OGDH: variants seen among roughly 807,000 people sequenced by gnomAD.
OGDH encodes 2-oxoglutarate dehydrogenase complex component E1.
OGDH carries 38 observed loss-of-function variants against 116.6 expected under a neutral mutation model. The ratio of observed to expected loss-of-function variants is 0.33; its 90% CI spans 0.25 to 0.43. The LOEUF is 0.43. Ranked by LOEUF, OGDH falls within the 20% of genes least tolerant of loss-of-function variation. The probability of loss-of-function intolerance (pLI) is 1.00; values close to 1 mark genes in which losing one functional copy is unlikely to be tolerated. For missense variants in OGDH, 825 were observed against 1,357.2 expected (o/e 0.61, Z 6.16); for synonymous variants, 488 against 533.3 (o/e 0.92, Z 1.17).
At chr7:44,653,589 C>T (rs1416339759) in intron 4 of OGDH, among the ~76,000 whole-genome samples, 4 of 151,692 alleles carry the variant, frequency 2.6e-5, no homozygotes, top group South Asian at 2.1e-4. Context: ...TGCAGTGGCA[C>T]GATCTCGACT....
At chr7:44,660,894 C>G (rs2115979354) in intron 4 of OGDH, among the ~76,000 whole-genome samples, 1 of 152,256 alleles carries the variant, frequency 6.6e-6, no homozygotes, top group Admixed American at 6.5e-5. Context: ...CACCACTATA[C>G]TCTGGCCTGG....
chr7:44,659,612 A>G (rs1786847762), intron 4 of OGDH, among the ~76,000 whole-genome samples: 1 of 152,156 alleles, frequency 6.6e-6, no homozygotes, highest in Admixed American at 6.5e-5. Flanking sequence ...TGGGTGAGTA[A>G]TGGTAGTTTG....
At chr7:44,607,904 C>G (rs1784415852) in intron 1 of OGDH, among the ~76,000 whole-genome samples, 1 of 152,084 alleles carries the variant, frequency 6.6e-6, no homozygotes, top group Non-Finnish European at 1.5e-5. Flanking sequence ...TTTTCACCAC[C>G]TTGGCCAGGC....
At chr7:44,637,775 C>T (rs986163331) in intron 2 of OGDH, among the ~76,000 whole-genome samples, 6 of 151,386 alleles carry the variant, frequency 4.0e-5, no homozygotes, top group Admixed American at 2.0e-4. Flanking sequence ...GCCAAGATCA[C>T]GCCACTGCAC....
chr7:44,667,501 TC>T (rs1787237120), intron 5 of OGDH, among the ~76,000 whole-genome samples: 1 of 152,202 alleles, frequency 6.6e-6, no homozygotes, highest in Non-Finnish European at 1.5e-5. Context: ...CTCCCTCTGT[TC>T]CTCTCATCCT....
At chr7:44,649,244 T>G (rs866570514) in intron 4 of OGDH, among the ~76,000 whole-genome samples, 5 of 135,836 alleles carry the variant, frequency 3.7e-5, no homozygotes, top group Admixed American at 1.5e-4. Context: ...CATTTTCTGT[T>G]GTTTTTTTTT....
intron 2 of OGDH, among the ~76,000 whole-genome samples, chr7:44,640,381 A>G (rs1432779777): frequency 6.6e-6 from 1 of 152,176 alleles, no homozygotes; most frequent in Non-Finnish European, 1.5e-5. Flanking sequence ...GTAAGTTGGA[A>G]AAGCCCACAG....
At chr7:44,647,306 T>C (rs1786227747) in intron 3 of OGDH, 3 of 618,586 alleles carry the variant, frequency 4.8e-6, no homozygotes, top group Non-Finnish European at 8.5e-6. Context: ...TCCAAGACTT[T>C]TAAAAACTAA....
chr7:44,616,784 CAT>C (rs200517846), intron 1 of OGDH, among the ~76,000 whole-genome samples: 42,613 of 126,462 alleles, frequency 0.34, 7,875 homozygotes, highest in Non-Finnish European at 0.42. Context: ...TGTGTATATG[CAT>C]ATATATATGT....
chr7:44,621,765 G>A (rs10266282), intron 1 of OGDH, among the ~76,000 whole-genome samples: 1 of 151,998 alleles, frequency 6.6e-6, no homozygotes, highest in African/African-American at 2.4e-5. Flanking sequence ...CTAGCTACTC[G>A]GGAGGCTGAG....
At chr7:44,674,246 T>C (rs1439190418) in intron 6 of OGDH, among the ~76,000 whole-genome samples, 165 bp from the exon 7 acceptor site, 1 of 152,208 alleles carries the variant, frequency 6.6e-6, no homozygotes, top group African/African-American at 2.4e-5. Context: ...GGTTTCACCG[T>C]GTTGGCCAGG....
At chr7:44,613,159 A>G (rs536605398) in intron 1 of OGDH, among the ~76,000 whole-genome samples, 1 of 148,472 alleles carries the variant, frequency 6.7e-6, no homozygotes, top group Non-Finnish European at 1.5e-5. Flanking sequence ...TACAGGCATG[A>G]GCCACTGCGC....
intron 2 of OGDH, among the ~76,000 whole-genome samples, chr7:44,626,379 T>C (rs1785210726): frequency 4.0e-5 from 6 of 151,340 alleles, no homozygotes; most frequent in Admixed American, 4.0e-4. Flanking sequence ...CTGCAGATTA[T>C]ATCTAGAATA....
chr7:44,696,677 C>T (rs1008851928), intron 14 of OGDH, 120 bp downstream of exon 14: 50 of 1,415,300 alleles, frequency 3.5e-5, no homozygotes, highest in Non-Finnish European at 4.4e-5. Context: ...CCTTCCTGCC[C>T]TGCTCAAGGC....
intron 10 of OGDH, among the ~76,000 whole-genome samples, chr7:44,682,919 C>T (rs533230071): frequency 3.0e-4 from 46 of 151,956 alleles, no homozygotes; most frequent in East Asian, 3.9e-4. Context: ...GCGGCCGAGG[C>T]AGACGGATCA....
At chr7:44,696,799 G>C in intron 14 of OGDH, 115 bp from the exon 15 acceptor site, 2 of 1,360,850 alleles carry the variant, frequency 1.5e-6, no homozygotes, top group Non-Finnish European at 2.0e-6. Context: ...AGCAAGTCAG[G>C]AACCCAGAAA....
intron 10 of OGDH, 146 bp downstream of exon 10, chr7:44,681,994 C>A: frequency 9.0e-7 from 1 of 1,110,222 alleles, no homozygotes; most frequent in South Asian, 1.6e-5. Flanking sequence ...CGCCTGTAAT[C>A]GTAGCACTTT....
intron 1 of OGDH, among the ~76,000 whole-genome samples, chr7:44,609,371 G>A (rs755640459): frequency 8.6e-5 from 13 of 150,484 alleles, no homozygotes; most frequent in Non-Finnish European, 1.6e-4. Context: ...TTAGCCAGGC[G>A]CAGTGGTGTG....
At chr7:44,624,708 G>T in intron 2 of OGDH, 143 bp downstream of exon 2, 1 of 713,994 alleles carries the variant, frequency 1.4e-6, no homozygotes, top group Non-Finnish European at 2.5e-6. Flanking sequence ...TATCTGTATC[G>T]GACCCAGCAT....
Sources: gnomAD v4.1 joint callset for allele counts (sites outside exome capture counted in the v4.1 genomes callset) on GRCh38, gnomAD v4.1.1 for gene constraint, MANE v1.5 for transcripts, NCBI Gene and HGNC (gene_info 2026-07-23, HGNC 2026-07-21) for gene names.